Variants in ULK4 observed in about 807,000 individuals in gnomAD.
ULK4 encodes the protein inactive serine/threonine-protein kinase ULK4.
Under a neutral mutation model 160.6 loss-of-function variants are expected in ULK4, and 133 were observed. The ratio of observed to expected loss-of-function variants is 0.83; its 90% CI spans 0.72 to 0.96. ULK4 has a LOEUF of 0.96. Ranked by LOEUF, ULK4 falls within the 40% of genes least tolerant of loss-of-function variation. ULK4 has a pLI of 0.00. For synonymous variants in ULK4, 534 were observed against 539.8 expected, an observed-to-expected ratio of 0.99 and a Z score of 0.15; for missense variants, 1,580 against 1,499.5, an observed-to-expected ratio of 1.05 and a Z score of -0.89.
chr3:41,418,342 C>T (rs916437541), intron 34 of ULK4, among the ~76,000 whole-genome samples: 8 of 87,916 alleles, frequency 9.1e-5, no homozygotes, highest in Non-Finnish European at 1.4e-4. Context: ...CTTAATTTGG[C>T]GGGGGGGGGG....
At chr3:41,319,335 C>T (rs562864587) in intron 35 of ULK4, among the ~76,000 whole-genome samples, 1 of 152,262 alleles carries the variant, frequency 6.6e-6, no homozygotes, top group African/African-American at 2.4e-5. Flanking sequence ...TGTTAGGATG[C>T]CTTGTTTCTA....
At chr3:41,428,718 T>C (rs2082834895) in intron 34 of ULK4, among the ~76,000 whole-genome samples, 1 of 152,136 alleles carries the variant, frequency 6.6e-6, no homozygotes, top group East Asian at 1.9e-4. Context: ...GCTAGTCATA[T>C]GGAAAAAAAT....
intron 16 of ULK4, 47 bp from the exon 17 acceptor site, chr3:41,883,999 G>C (rs781570274): frequency 5.9e-6 from 8 of 1,353,386 alleles, no homozygotes; most frequent in Non-Finnish European, 8.5e-6. Context: ...GTCGGGGACC[G>C]AGGAAACTAA....
At chr3:41,352,973 A>G (rs2080941834) in intron 35 of ULK4, among the ~76,000 whole-genome samples, 1 of 152,148 alleles carries the variant, frequency 6.6e-6, no homozygotes, top group Admixed American at 6.5e-5. Context: ...GTCAGTACCC[A>G]TGGACCTGAG....
intron 32 of ULK4, among the ~76,000 whole-genome samples, chr3:41,515,447 T>C (rs2085718552): frequency 6.6e-6 from 1 of 151,696 alleles, no homozygotes; most frequent in Admixed American, 6.6e-5. Flanking sequence ...CAGCCAGACA[T>C]ATAAGTAGAG....
chr3:41,802,519 G>A (rs1055435843), intron 19 of ULK4, among the ~76,000 whole-genome samples: 4 of 151,932 alleles, frequency 2.6e-5, no homozygotes, highest in Non-Finnish European at 5.9e-5. Context: ...GGCTGAACTC[G>A]AACTCCTTGT....
In ULK4 at chr3:41,912,888, G is replaced by C. The variant is rs370790233; in HGVS notation, c.815C>G (p.Thr272Arg). ...CCAAAATGAATGCTGCAGTAGCCTTGTCCAAGTCAATCTTTAAAAAACATA... is the reference window on the plus strand; with the variant it reads ...CCAAAATGAATGCTGCAGTAGCCTTCTCCAAGTCAATCTTTAAAAAACATA... ...QRDPQKRLTW[T>R]RLLQHSFWKK... The change falls in exon 9 of 37, where the codon ACA becomes AGA. Residue 272 changes from threonine (T) to arginine (R), a missense_variant. Coordinates refer to ENST00000301831, the MANE Select transcript of ULK4 (RefSeq NM_017886.4). 6.2e-6 allele frequency: 10 copies of C among 1,613,790 alleles called. No homozygotes were observed. Among genetic ancestry groups the C allele is most frequent in the Non-Finnish European group, 8.5e-6 (10 of 1,179,974 alleles).
chr3:41,388,582 T>C (rs1197782042), intron 35 of ULK4, among the ~76,000 whole-genome samples: 4 of 152,152 alleles, frequency 2.6e-5, no homozygotes, highest in African/African-American at 9.7e-5. Context: ...AAGTTTCAGC[T>C]TTCTACATAT....
At chr3:41,914,138 A>G (rs1319000164) in intron 8 of ULK4, among the ~76,000 whole-genome samples, 1 of 152,256 alleles carries the variant, frequency 6.6e-6, no homozygotes, top group Non-Finnish European at 1.5e-5. Context: ...CTACTAATAG[A>G]GTATACCTCT....
At chr3:41,766,609 G>A (rs1415536483) in intron 21 of ULK4, 1 of 152,152 alleles carries the variant, frequency 6.6e-6, no homozygotes, top group Non-Finnish European at 1.5e-5. Flanking sequence ...AAAAGACAGG[G>A]GAGGTAAATA....
intron 35 of ULK4, among the ~76,000 whole-genome samples, chr3:41,390,062 T>G (rs988764829): frequency 1.3e-5 from 2 of 152,212 alleles, no homozygotes; most frequent in Non-Finnish European, 2.9e-5. Flanking sequence ...CTGTTATTGG[T>G]CTATTCAGAG....
At chr3:41,491,823 T>A (rs913889160) in intron 32 of ULK4, among the ~76,000 whole-genome samples, 5 of 152,030 alleles carry the variant, frequency 3.3e-5, no homozygotes, top group African/African-American at 1.2e-4. Flanking sequence ...GTTGGTGTGC[T>A]GCACCCATTA....
chr3:41,645,437 T>C (rs932677198), intron 30 of ULK4, among the ~76,000 whole-genome samples: 1 of 152,074 alleles, frequency 6.6e-6, no homozygotes, highest in Non-Finnish European at 1.5e-5. Context: ...TTTCTGCCTT[T>C]GTTTCGTTAT....
intron 30 of ULK4, among the ~76,000 whole-genome samples, chr3:41,655,466 A>G (rs1045043790): frequency 6.6e-6 from 1 of 152,064 alleles, no homozygotes; most frequent in Non-Finnish European, 1.5e-5. Context: ...AACATGGCAC[A>G]TGTATACATA....
chr3:41,598,854 A>G (rs2031869702), intron 31 of ULK4, among the ~76,000 whole-genome samples: 1 of 152,264 alleles, frequency 6.6e-6, no homozygotes, highest in Admixed American at 6.5e-5. Flanking sequence ...TTAAAACAAC[A>G]TAAATTGACT....
At chr3:41,564,367 C>T (rs1343017282) in intron 32 of ULK4, among the ~76,000 whole-genome samples, 3 of 151,812 alleles carry the variant, frequency 2.0e-5, no homozygotes, top group Non-Finnish European at 2.9e-5. Flanking sequence ...GTAGTCCGTC[C>T]GTTCTGAGAG....
intron 25 of ULK4, among the ~76,000 whole-genome samples, chr3:41,705,746 C>T (rs1243217618): frequency 1.3e-5 from 2 of 152,072 alleles, no homozygotes; most frequent in East Asian, 1.9e-4. Flanking sequence ...CCACCTGCCT[C>T]GGCCTCCCAA....
At chr3:41,470,040 A>AAAAAC in intron 32 of ULK4, among the ~76,000 whole-genome samples, 1 of 148,594 alleles carries the variant, frequency 6.7e-6, no homozygotes, top group East Asian at 2.0e-4. Flanking sequence ...AAAAAAAAAA[A>AAAAAC]AAAAAACAAA....
At chr3:41,279,166 C>T (rs1339559752) in intron 35 of ULK4, among the ~76,000 whole-genome samples, 2 of 145,866 alleles carry the variant, frequency 1.4e-5, no homozygotes, top group Non-Finnish European at 3.0e-5. Context: ...TTTAAATAGC[C>T]AATTCGATCA....
Sources: allele counts gnomAD v4.1 joint callset (sites outside exome capture counted in the v4.1 genomes callset), GRCh38; gene constraint gnomAD v4.1.1; transcripts MANE v1.5; gene names NCBI Gene and HGNC (gene_info 2026-07-23, HGNC 2026-07-21).